The following MAPK8 variants were observed in gnomAD, a reference collection of about 807,000 sequenced individuals.
MAPK8 encodes the protein mitogen-activated protein kinase 8.
A neutral mutation model predicts 52.9 loss-of-function variants in MAPK8; 13 were observed. The observed-to-expected ratio is 0.25, with a 90% CI of 0.16 to 0.39. The LOEUF (loss-of-function observed/expected upper bound fraction) is 0.39. MAPK8 is among the 10% of genes least tolerant of loss of function. The pLI is 1.00. For missense variants in MAPK8, 300 were observed against 519.2 expected, an observed-to-expected ratio of 0.58 and a Z score of 4.10; for synonymous variants, 191 against 169.8, an observed-to-expected ratio of 1.12 and a Z score of -0.97.
intron 1 of MAPK8, among the ~76,000 whole-genome samples, chr10:48,336,055 A>G (rs949756572): frequency 6.6e-6 from 1 of 152,182 alleles, no homozygotes; most frequent in Non-Finnish European, 1.5e-5. Context: ...GAGGACTGAC[A>G]GGGCTAGCAG....
At position 48,435,084 on chromosome 10, in the gene MAPK8, A is replaced by G; in HGVS notation, c.*55A>G. ...TGGGGAGTCGGTTAGTCATTGATAG[A>G]ACTACTTTGAAAACAATTCAGTGGT... On this transcript the variant is annotated 3_prime_UTR_variant, in exon 12 of 12. Transcript: ENST00000374189. 7.5e-7 allele frequency: 1 copy of G among 1,331,436 alleles called. No individual in the cohort carries two copies. The highest frequency in any genetic ancestry group is 1.0e-6 in the Non-Finnish European group (1 of 995,300). The allele number at this position is 1,331,436 out of a possible 1,614,324, so 82.5% of individuals were successfully genotyped here.
intron 5 of MAPK8, among the ~76,000 whole-genome samples, chr10:48,417,226 C>G (rs575307004): frequency 6.6e-6 from 1 of 152,308 alleles, no homozygotes; most frequent in African/African-American, 2.4e-5. Context: ...TTAACTAACT[C>G]TTTCAGAAAT....
At chr10:48,419,863 G>A (rs1398045374) in intron 5 of MAPK8, among the ~76,000 whole-genome samples, 3 of 152,074 alleles carry the variant, frequency 2.0e-5, no homozygotes, top group South Asian at 4.1e-4. Context: ...TGAGCTTTGC[G>A]ATGTCTTTTC....
chr10:48,395,907 T>G (rs2041863945), intron 1 of MAPK8, among the ~76,000 whole-genome samples: 1 of 152,096 alleles, frequency 6.6e-6, no homozygotes, highest in Non-Finnish European at 1.5e-5. Flanking sequence ...CAACAAATGG[T>G]ATTAGTATAA....
chr10:48,411,761 A>T (rs558357194), intron 5 of MAPK8, among the ~76,000 whole-genome samples: 103 of 150,610 alleles, frequency 6.8e-4, no homozygotes, highest in African/African-American at 2.4e-3. Flanking sequence ...ATGTCTTACC[A>T]TTTCCTTCCT....
chr10:48,432,794 A>T (rs1340623910), intron 11 of MAPK8, among the ~76,000 whole-genome samples: 1 of 152,212 alleles, frequency 6.6e-6, no homozygotes, highest in Non-Finnish European at 1.5e-5. Flanking sequence ...TTATGATCAC[A>T]AAATAAGTCA....
chr10:48,413,860 T>TA (rs2042915931), intron 5 of MAPK8, among the ~76,000 whole-genome samples: 21 of 124,674 alleles, frequency 1.7e-4, no homozygotes, highest in East Asian at 7.1e-4. Flanking sequence ...TATATATATA[T>TA]TCAGAAATAT....
intron 1 of MAPK8, among the ~76,000 whole-genome samples, chr10:48,325,020 G>A (rs1278099709): frequency 6.6e-6 from 1 of 151,472 alleles, no homozygotes; most frequent in Non-Finnish European, 1.5e-5. Context: ...CTGTCACCCA[G>A]GCTGGAGTGC....
At chr10:48,366,390 G>C (rs1031473675) in intron 1 of MAPK8, among the ~76,000 whole-genome samples, 2 of 152,140 alleles carry the variant, frequency 1.3e-5, no homozygotes, top group Admixed American at 1.3e-4. Flanking sequence ...TCTAATAACA[G>C]GGAAAAATAG....
chr10:48,413,953 A>G (rs1426978624), intron 5 of MAPK8, among the ~76,000 whole-genome samples: 1 of 149,836 alleles, frequency 6.7e-6, no homozygotes, highest in Non-Finnish European at 1.5e-5. Flanking sequence ...TTTAACGTGT[A>G]CCACTCAGTG....
At chr10:48,310,072 G>GGT (rs1564461957) in intron 1 of MAPK8, among the ~76,000 whole-genome samples, 1 of 152,192 alleles carries the variant, frequency 6.6e-6, no homozygotes, top group Non-Finnish European at 1.5e-5. Flanking sequence ...CAGGAGTATT[G>GGT]AAATGAGTTA....
rs1847038324 is a variant in MAPK8 at position 48,356,980 on chromosome 10, G to T, written c.-49-44632G>T. 2.0e-5 allele frequency among the ~76,000 whole-genome samples: 3 copies of T among 149,834 alleles called. No homozygotes were observed. In the South Asian group the frequency reaches 6.5e-4, roughly 32 times the overall value. ...ATATATCGTGCAAATACTAATATAG[G>T]TTTTAAAGGCAAAAATCGGATTGTT... On this transcript the variant is annotated intron_variant, in intron 1 of 11. Transcript: ENST00000374189.
At chr10:48,311,747 A>G (rs1167601738) in intron 1 of MAPK8, among the ~76,000 whole-genome samples, 2 of 152,164 alleles carry the variant, frequency 1.3e-5, no homozygotes, top group African/African-American at 4.8e-5. Context: ...ACCACTTAGA[A>G]ATATTATCTT....
At chr10:48,413,776 T>C (rs898521181) in intron 5 of MAPK8, among the ~76,000 whole-genome samples, 19 of 135,244 alleles carry the variant, frequency 1.4e-4, no homozygotes, top group African/African-American at 5.3e-4. Flanking sequence ...GGGAATTGAA[T>C]ATTACCAAGT....
At chr10:48,394,411 A>G (rs2041785795) in intron 1 of MAPK8, among the ~76,000 whole-genome samples, 1 of 151,948 alleles carries the variant, frequency 6.6e-6, no homozygotes, top group African/African-American at 2.4e-5. Context: ...AGCGGGATTT[A>G]TTCCATGAAT....
intron 7 of MAPK8, 136 bp downstream of exon 7, chr10:48,424,295 A>C: frequency 1.2e-6 from 1 of 836,158 alleles, no homozygotes; most frequent in South Asian, 1.9e-5. Context: ...ATAGTTCAAA[A>C]ATTGTTGAGA....
At chr10:48,384,075 G>A (rs1181585670) in intron 1 of MAPK8, among the ~76,000 whole-genome samples, 1 of 152,044 alleles carries the variant, frequency 6.6e-6, no homozygotes, top group Non-Finnish European at 1.5e-5. Flanking sequence ...AACATGATGA[G>A]ATCCCGTCTC....
chr10:48,316,404 C>G (rs144769476), intron 1 of MAPK8, among the ~76,000 whole-genome samples: 1 of 152,274 alleles, frequency 6.6e-6, no homozygotes, highest in Non-Finnish European at 1.5e-5. Flanking sequence ...GATGTTTGCA[C>G]AGTGACGAAA....
intron 1 of MAPK8, among the ~76,000 whole-genome samples, chr10:48,335,327 G>C (rs938869227): frequency 6.6e-6 from 1 of 151,746 alleles, no homozygotes; most frequent in Non-Finnish European, 1.5e-5. Context: ...ATTAAATATT[G>C]ATATATCAAC....
Sources: gnomAD v4.1 joint callset for allele counts (sites outside exome capture counted in the v4.1 genomes callset) on GRCh38, gnomAD v4.1.1 for gene constraint, MANE v1.5 for transcripts, NCBI Gene and HGNC (gene_info 2026-07-23, HGNC 2026-07-21) for gene names.